TMEM132B: variants seen among roughly 807,000 people sequenced by gnomAD.
TMEM132B encodes the protein transmembrane protein 132B.
TMEM132B carries 18 observed loss-of-function variants against 90.8 expected under a neutral mutation model. That is an observed-to-expected ratio of 0.20 (90% confidence interval 0.14 to 0.29). TMEM132B has a LOEUF of 0.29. Ranked by LOEUF, TMEM132B falls within the 10% of genes least tolerant of loss-of-function variation. The pLI, the probability that TMEM132B is intolerant of heterozygous loss-of-function variation, is 1.00. For synonymous variants in TMEM132B, 504 were observed against 523.3 expected (o/e 0.96, Z 0.50); for missense variants, 1,096 against 1,326.8 (o/e 0.83, Z 2.70).
chr12:125,341,175 C>T (rs1176903898), intron 1 of TMEM132B, among the ~76,000 whole-genome samples: 1 of 152,206 alleles, frequency 6.6e-6, no homozygotes, highest in African/African-American at 2.4e-5. Context: ...GAGAACTCTG[C>T]CTGGAGCTAA....
At chr12:125,530,868 A>G (rs1286156828) in intron 4 of TMEM132B, among the ~76,000 whole-genome samples, 3 of 152,272 alleles carry the variant, frequency 2.0e-5, no homozygotes, top group African/African-American at 7.2e-5. Flanking sequence ...AAATGAGGTC[A>G]CATCCTGAGG....
chr12:125,506,157 A>G (rs1403290364), intron 3 of TMEM132B, among the ~76,000 whole-genome samples: 1 of 152,242 alleles, frequency 6.6e-6, no homozygotes, highest in African/African-American at 2.4e-5. Context: ...CGAATTGTAA[A>G]CTTCTGAACA....
At chr12:125,417,688 C>A (rs959652832) in intron 3 of TMEM132B, among the ~76,000 whole-genome samples, 6 of 152,126 alleles carry the variant, frequency 3.9e-5, no homozygotes, top group African/African-American at 1.4e-4. Context: ...ACCTGTCTCC[C>A]TGGTTTAGCT....
At chr12:125,588,950 T>C (rs1885241609) in intron 5 of TMEM132B, among the ~76,000 whole-genome samples, 1 of 152,206 alleles carries the variant, frequency 6.6e-6, no homozygotes, top group Admixed American at 6.5e-5. Flanking sequence ...TAAGAATGTA[T>C]ATCTAGAAAA....
chr12:125,493,775 C>T (rs1201065778), intron 3 of TMEM132B, among the ~76,000 whole-genome samples: 1 of 151,910 alleles, frequency 6.6e-6, no homozygotes, highest in Non-Finnish European at 1.5e-5. Flanking sequence ...ATGTACCCTA[C>T]CTCCCCCTCC....
chr12:125,296,184 G>C (rs996095326), intron 1 of TMEM132B, among the ~76,000 whole-genome samples: 1 of 152,118 alleles, frequency 6.6e-6, no homozygotes, highest in Non-Finnish European at 1.5e-5. Context: ...TGGCCCCACG[G>C]CCCAGTACAG....
chr12:125,453,078 C>A (rs1593154508), intron 3 of TMEM132B, among the ~76,000 whole-genome samples: 4 of 85,892 alleles, frequency 4.7e-5, no homozygotes, highest in Non-Finnish European at 9.2e-5. Context: ...TTCAGTAAAA[C>A]ACACACACAC....
chr12:125,414,882 A>G (rs1879965856), intron 2 of TMEM132B, among the ~76,000 whole-genome samples: 2 of 152,182 alleles, frequency 1.3e-5, no homozygotes, highest in Admixed American at 1.3e-4. Flanking sequence ...GTACGAAAAG[A>G]AAGAAACCCA....
intron 1 of TMEM132B, among the ~76,000 whole-genome samples, chr12:125,265,584 G>A (rs1874672322): frequency 6.6e-6 from 1 of 152,154 alleles, no homozygotes; most frequent in Non-Finnish European, 1.5e-5. Context: ...AACATCACAA[G>A]TGTACAGCCT....
At chr12:125,619,391 G>C (rs1566091281) in intron 5 of TMEM132B, among the ~76,000 whole-genome samples, 2 of 150,220 alleles carry the variant, frequency 1.3e-5, no homozygotes, top group Non-Finnish European at 3.0e-5. Flanking sequence ...TTGAGACAGA[G>C]TCTCACTCTG....
intron 1 of TMEM132B, among the ~76,000 whole-genome samples, chr12:125,208,987 G>A (rs772848185): frequency 1.2e-4 from 19 of 152,150 alleles, no homozygotes; most frequent in East Asian, 5.8e-4. Flanking sequence ...TGAGTGCTGC[G>A]TCCCCTCTGA....
At position 125,323,972 on chromosome 12, in the gene TMEM132B, C is replaced by T. The variant is rs778148089; in HGVS notation, c.68-25480C>T. ...AAGAAGCCAATAAGCCAGAGAGCTC[C>T]GACCAAAAAGTTGGAAACAAACCCC... On this transcript the variant is annotated intron_variant, in intron 1 of 8. Coordinates refer to ENST00000682704, the MANE Select transcript of TMEM132B (RefSeq NM_001366854.1). Among the ~76,000 whole-genome samples, 8 of 152,040 alleles carry T rather than the reference C, an allele frequency of 5.3e-5. 1 individual carries two copies. Among genetic ancestry groups the T allele is most frequent in the South Asian group, 4.2e-4 (2 of 4,810 alleles).
intron 3 of TMEM132B, among the ~76,000 whole-genome samples, chr12:125,493,583 G>C (rs937136394): frequency 6.6e-6 from 1 of 152,064 alleles, no homozygotes; most frequent in African/African-American, 2.4e-5. Flanking sequence ...TGGGGTGGGG[G>C]TGGTTCATAC....
chr12:125,645,217 C>CAAAAA (rs57035989), intron 6 of TMEM132B, among the ~76,000 whole-genome samples: 4 of 73,564 alleles, frequency 5.4e-5, no homozygotes, highest in South Asian at 5.2e-4. Flanking sequence ...GACTCCGTCT[C>CAAAAA]AAAAAAAAAA....
intron 3 of TMEM132B, among the ~76,000 whole-genome samples, chr12:125,452,523 A>G (rs534667094): frequency 6.6e-6 from 1 of 152,348 alleles, no homozygotes; most frequent in South Asian, 2.1e-4. Flanking sequence ...GGTTATAGCT[A>G]TTGAACATTT....
chr12:125,323,529 G>A (rs1461201477), intron 1 of TMEM132B, among the ~76,000 whole-genome samples: 1 of 151,926 alleles, frequency 6.6e-6, no homozygotes, highest in Non-Finnish European at 1.5e-5. Flanking sequence ...TTGTTTGTTT[G>A]TTTTTTGAGA....
intron 3 of TMEM132B, among the ~76,000 whole-genome samples, chr12:125,423,908 A>G (rs553975607): frequency 4.6e-4 from 70 of 152,220 alleles, no homozygotes; most frequent in Non-Finnish European, 9.0e-4. Context: ...ATTTAACTAT[A>G]ATGATTATTA....
rs1372160576 is a variant in TMEM132B, at chr12:125,349,735, C to A, written c.351C>A (p.Asp117Glu). ...CATCTACAGCCTTTGGAAACATGGA[C>A]AAATTTCCCTTCAACTGGAAATTGA... is the stretch of plus-strand genomic sequence containing the variant. ...LLTSTAFGNM[D>E]KFPFNWKLKS... is the part of the protein sequence containing the mutation. Residue 117 changes from aspartate to glutamate, a missense_variant, in exon 2 of 9, where the codon GAC (aspartate) becomes GAA (glutamate). By Grantham distance (45) the Asp-to-Glu change is conservative (BLOSUM62 2). Coordinates refer to ENST00000682704, the MANE Select transcript of TMEM132B (RefSeq NM_001366854.1). This position sits in a 1 kb window ranked among gnomAD's most constrained non-coding sequence, Gnocchi z 4.1. The A allele has an allele frequency of 3.1e-6, 5 of 1,614,098 alleles. No homozygotes were observed. The South Asian group carries it at 4.4e-5, about 14-fold the overall frequency.
chr12:125,635,301 A>G, intron 5 of TMEM132B, among the ~76,000 whole-genome samples: 1 of 147,364 alleles, frequency 6.8e-6, no homozygotes, highest in South Asian at 2.2e-4. Context: ...CCTAGCCCCC[A>G]CCCCCAACAG....
Sources: allele counts gnomAD v4.1 joint callset (sites outside exome capture counted in the v4.1 genomes callset), GRCh38; gene constraint gnomAD v4.1.1; non-coding constraint Gnocchi (gnomAD v3.1); transcripts MANE v1.5; gene names NCBI Gene and HGNC (gene_info 2026-07-23, HGNC 2026-07-21).